The following CACNA1C variants were observed in gnomAD, a reference collection of about 807,000 sequenced individuals.
CACNA1C encodes the protein voltage-dependent L-type calcium channel subunit alpha-1C.
Under a neutral mutation model 229.0 loss-of-function variants are expected in CACNA1C, and 30 were observed. That is an observed-to-expected ratio of 0.13 (90% CI 0.10 to 0.18). CACNA1C has a LOEUF of 0.18. Ranked by LOEUF, CACNA1C falls within the 10% of genes least tolerant of loss-of-function variation. The pLI, the probability that CACNA1C is intolerant of heterozygous loss-of-function variation, is 1.00. For missense variants in CACNA1C, 1,658 were observed against 2,845.0 expected (o/e 0.58, Z 9.49); for synonymous variants, 1,114 against 1,132.5 (o/e 0.98, Z 0.33).
chr12:2,378,822 C>CTT (rs2098151374), intron 3 of CACNA1C, among the ~76,000 whole-genome samples: 10 of 150,306 alleles, frequency 6.7e-5, no homozygotes, highest in African/African-American at 2.5e-4. Context: ...TCCTTCCTCT[C>CTT]TCTCTTTCCT....
At chr12:2,107,848 C>T (rs1179771321) in intron 1 of CACNA1C, among the ~76,000 whole-genome samples, 2 of 152,246 alleles carry the variant, frequency 1.3e-5, no homozygotes, top group African/African-American at 2.4e-5. Flanking sequence ...TGCTCGTTAT[C>T]TTCCCCACTT....
intron 5 of CACNA1C, among the ~76,000 whole-genome samples, chr12:2,484,977 G>A (rs1199563392): frequency 6.6e-6 from 1 of 150,624 alleles, no homozygotes; most frequent in Non-Finnish European, 1.5e-5. Flanking sequence ...AGCCTTGCGA[G>A]AATCACATCA....
intron 3 of CACNA1C, among the ~76,000 whole-genome samples, chr12:2,367,875 G>T (rs2097763627): frequency 1.3e-5 from 2 of 151,828 alleles, no homozygotes; most frequent in Non-Finnish European, 2.9e-5. Flanking sequence ...GAACATTAAA[G>T]TTAAAAATTT....
chr12:2,041,300 G>T (rs1486429224), intron 1 of CACNA1C, among the ~76,000 whole-genome samples: 1 of 115,406 alleles, frequency 8.7e-6, no homozygotes, highest in Non-Finnish European at 1.7e-5. Flanking sequence ...TTTTTGAGAC[G>T]GAGTCTTGCT....
rs760338273 is a variant in CACNA1C at position 2,688,588 on chromosome 12, G to A, written c.5926G>A (p.Gly1976Arg). ...PQPVPTLRLE[G>R]VESSEKLNSS... ...GCCCGTCCCCACCCTGCGGCTTGAG[G>A]GGGTCGAGTCCAGTGAGAAACTCAA... Residue 1976 changes from glycine (G) to arginine (R), a missense_variant, in exon 46 of 47, where the codon GGG (glycine) becomes AGG (arginine). By Grantham distance (125) the Gly-to-Arg change is moderately radical (BLOSUM62 -2). Around this residue, in one of 20 missense-constraint regions of CACNA1C, gnomAD observed 590 missense variants for 700.8 expected, o/e 0.84. Transcript: ENST00000399655. 5.6e-6 allele frequency: 9 copies of A among 1,613,878 alleles called. No individual in the cohort carries two copies. The highest frequency in any genetic ancestry group is 1.3e-5 in the African/African-American group (1 of 74,936).
At chr12:2,483,803 C>T (rs1381792969) in intron 5 of CACNA1C, among the ~76,000 whole-genome samples, 1 of 152,128 alleles carries the variant, frequency 6.6e-6, no homozygotes, top group Non-Finnish European at 1.5e-5. Flanking sequence ...CCACAAGCTG[C>T]TTTCACTCCA....
At position 2,688,632 on chromosome 12, in the gene CACNA1C, C is replaced by G. The variant is rs746710361; in HGVS notation, c.5970C>G (p.Ile1990Met). The G allele has an allele frequency of 6.2e-7, 1 of 1,613,962 alleles. No homozygotes were observed. Among genetic ancestry groups the G allele is most frequent in the Admixed American group, 1.7e-5 (1 of 60,032 alleles). Residue 1990 changes from isoleucine to methionine, a missense_variant, in exon 46 of 47, where the codon ATC becomes ATG. Ile to Met is a conservative substitution (Grantham distance 10). Coordinates refer to ENST00000399655, the MANE Select transcript of CACNA1C (RefSeq NM_000719.7). ...SEKLNSSFPSIHCGSWAETTP... is the reference protein window; with the variant it reads ...SEKLNSSFPSMHCGSWAETTP... ...AACTCAACAGCAGCTTCCCATCCATCCACTGCGGCTCCTGGGCTGAGACCA... is the reference window on the plus strand; with the variant it reads ...AACTCAACAGCAGCTTCCCATCCATGCACTGCGGCTCCTGGGCTGAGACCA...
intron 3 of CACNA1C, among the ~76,000 whole-genome samples, chr12:2,300,552 G>C (rs961985734): frequency 1.3e-5 from 2 of 152,160 alleles, no homozygotes; most frequent in Non-Finnish European, 2.9e-5. Flanking sequence ...CCTGAGCCTG[G>C]AAAGTGGAGG....
At chr12:2,377,582 C>G (rs1308715670) in intron 3 of CACNA1C, among the ~76,000 whole-genome samples, 4 of 152,162 alleles carry the variant, frequency 2.6e-5, no homozygotes, top group Non-Finnish European at 5.9e-5. Flanking sequence ...CCAGGAAATA[C>G]TAAAGAAACA....
intron 1 of CACNA1C, among the ~76,000 whole-genome samples, chr12:1,996,653 AAACAACAAAC>A (rs1565870534): frequency 1.1e-4 from 4 of 36,640 alleles, no homozygotes; most frequent in Admixed American, 2.7e-4. Context: ...AAAAAAAAAA[AAACAACAAAC>A]TCTTCTAATG....
At chr12:2,377,991 T>C (rs1240322965) in intron 3 of CACNA1C, among the ~76,000 whole-genome samples, 1 of 152,134 alleles carries the variant, frequency 6.6e-6, no homozygotes, top group African/African-American at 2.4e-5. Context: ...CTGGCAGTAA[T>C]CTGGTGGTCT....
At chr12:2,577,878 T>C (rs2059005842) in intron 13 of CACNA1C, among the ~76,000 whole-genome samples, 1 of 151,732 alleles carries the variant, frequency 6.6e-6, no homozygotes, top group Non-Finnish European at 1.5e-5. Context: ...TTCTTTTTTT[T>C]TTTTTTTTGA....
At chr12:2,367,735 A>G (rs1016477789) in intron 3 of CACNA1C, among the ~76,000 whole-genome samples, 2 of 152,202 alleles carry the variant, frequency 1.3e-5, no homozygotes, top group South Asian at 4.1e-4. Context: ...AAAAATTAAT[A>G]AGGAAACATA....
At chr12:2,617,745 A>C (rs769118403) in intron 29 of CACNA1C, among the ~76,000 whole-genome samples, 46 of 152,180 alleles carry the variant, frequency 3.0e-4, no homozygotes, top group Non-Finnish European at 1.5e-4. Context: ...CCTTGTTTTC[A>C]CTGGGCTTGT....
intron 3 of CACNA1C, among the ~76,000 whole-genome samples, chr12:2,356,600 C>A (rs2097370196): frequency 1.3e-5 from 2 of 152,230 alleles, no homozygotes; most frequent in Non-Finnish European, 2.9e-5. Flanking sequence ...TTTGTGTGAG[C>A]ACTCTGGTGA....
chr12:2,411,235 G>A (rs913334890), intron 3 of CACNA1C, among the ~76,000 whole-genome samples: 24 of 152,130 alleles, frequency 1.6e-4, no homozygotes, highest in African/African-American at 5.8e-4. Flanking sequence ...GCCCACAGCA[G>A]CCCTGCGGTG....
intron 3 of CACNA1C, among the ~76,000 whole-genome samples, chr12:2,139,473 C>G (rs1367049963): frequency 6.6e-6 from 1 of 150,412 alleles, no homozygotes; most frequent in Admixed American, 6.7e-5. Context: ...CTACACAGAT[C>G]CAGTGCAGTA....
At chr12:2,052,957 G>C (rs898355311), upstream of CACNA1C, 5 of 978,914 alleles carry the variant, frequency 5.1e-6, no homozygotes, top group East Asian at 2.3e-4. Flanking sequence ...GGGCCGGGGG[G>C]AGTGAGCGCG....
intron 3 of CACNA1C, among the ~76,000 whole-genome samples, chr12:2,251,151 T>G (rs1425940550): frequency 6.6e-6 from 1 of 152,016 alleles, no homozygotes; most frequent in Non-Finnish European, 1.5e-5. Flanking sequence ...ATCTGGGGAG[T>G]GGAGAATCGT....
Sources: gnomAD v4.1 joint callset for allele counts (sites outside exome capture counted in the v4.1 genomes callset) on GRCh38, gnomAD v4.1.1 for gene constraint, gnomAD v4.1.1 regional missense constraint, MANE v1.5 for transcripts, NCBI Gene and HGNC (gene_info 2026-07-23, HGNC 2026-07-21) for gene names.